The following FCHO2 variants were observed in gnomAD, a reference collection of about 807,000 sequenced individuals.
The protein encoded by FCHO2 is F-BAR domain only protein 2.
A neutral mutation model predicts 114.1 loss-of-function variants in FCHO2; 43 were observed. That is an observed-to-expected ratio of 0.38 (90% confidence interval 0.30 to 0.49). The LOEUF is 0.49. FCHO2 is among the 20% of genes least tolerant of loss of function. The pLI, the probability that FCHO2 is intolerant of heterozygous loss-of-function variation, is 0.97. For synonymous variants in FCHO2, 293 were observed against 315.2 expected (o/e 0.93, Z 0.75); for missense variants, 807 against 950.4 (o/e 0.85, Z 1.98).
intron 2 of FCHO2, among the ~76,000 whole-genome samples, chr5:72,972,454 T>C (rs1364820785): frequency 2.6e-5 from 4 of 152,244 alleles, no homozygotes; most frequent in African/African-American, 9.6e-5. Context: ...TCTTATTCTC[T>C]TTGAAGCAAT....
intron 11 of FCHO2, among the ~76,000 whole-genome samples, chr5:73,050,420 G>A (rs2112832494): frequency 1.3e-5 from 2 of 152,034 alleles, no homozygotes; most frequent in Middle Eastern, 6.8e-3. Context: ...CTGGGTTCAA[G>A]CAATTCTCCA....
intron 8 of FCHO2, among the ~76,000 whole-genome samples, chr5:73,019,309 G>T (rs948097916): frequency 6.6e-6 from 1 of 152,154 alleles, no homozygotes; most frequent in Admixed American, 6.5e-5. Flanking sequence ...ACTTTGGGAC[G>T]CTGAGGCAGG....
chr5:73,009,355 A>G (rs1454249807), intron 6 of FCHO2, among the ~76,000 whole-genome samples: 2 of 152,246 alleles, frequency 1.3e-5, no homozygotes, highest in South Asian at 4.1e-4. Context: ...CCGTTTCATT[A>G]ATTTTTAAAA....
intron 2 of FCHO2, among the ~76,000 whole-genome samples, chr5:72,976,572 C>A (rs1236097654): frequency 1.3e-5 from 2 of 152,010 alleles, no homozygotes; most frequent in East Asian, 1.9e-4. Flanking sequence ...CTGTTAAGGT[C>A]TTTGGCTCAT....
chr5:73,025,212 T>G (rs1279237559), intron 8 of FCHO2, among the ~76,000 whole-genome samples: 1 of 152,030 alleles, frequency 6.6e-6, no homozygotes, highest in Non-Finnish European at 1.5e-5. Flanking sequence ...TGTTTGTTTG[T>G]TTTTTTCTTT....
intron 5 of FCHO2, among the ~76,000 whole-genome samples, chr5:73,004,608 A>G (rs183078466): frequency 6.0e-4 from 91 of 152,152 alleles, no homozygotes; most frequent in Non-Finnish European, 1.9e-4. Flanking sequence ...AGCATTTTGT[A>G]TAACTACATT....
intron 8 of FCHO2, among the ~76,000 whole-genome samples, chr5:73,021,594 C>T (rs1387786890): frequency 6.6e-6 from 1 of 151,982 alleles, no homozygotes; most frequent in African/African-American, 2.4e-5. Flanking sequence ...TTAAAGAGCC[C>T]GGTTATTATC....
intron 19 of FCHO2, among the ~76,000 whole-genome samples, chr5:73,074,400 AGAACCTGGAG>A (rs1213198342): frequency 2.0e-5 from 3 of 152,118 alleles, no homozygotes; most frequent in Admixed American, 2.0e-4. Flanking sequence ...TATGATTGAT[AGAACCTGGAG>A]GAATTTGGTA....
intron 8 of FCHO2, among the ~76,000 whole-genome samples, chr5:73,019,579 A>G (rs149375840): frequency 3.6e-4 from 55 of 152,310 alleles, no homozygotes; most frequent in Non-Finnish European, 7.3e-4. Flanking sequence ...ACTTCAAGAT[A>G]CGGAGGAAAC....
In FCHO2 at chr5:73,078,290, A is replaced by T. The variant is rs371493638; in HGVS notation, c.1958A>T (p.Asn653Ile). ...CAAAATCCAGCTGCTTCTTATTATA[A>T]TGTAGATGTATTAAAGTATCAGGTG... ...SEQNPAASYY[N>I]VDVLKYQVSS... Residue 653 changes from asparagine (N) to isoleucine (I), a missense_variant, in exon 22 of 26, where the codon AAT becomes ATT. Transcript: ENST00000430046. The T allele has an allele frequency of 4.7e-5, 76 of 1,602,016 alleles. No homozygotes were observed. The highest frequency in any genetic ancestry group is 6.2e-5 in the Non-Finnish European group (73 of 1,174,766).
intron 2 of FCHO2, among the ~76,000 whole-genome samples, chr5:72,973,016 G>A (rs1035843084): frequency 6.0e-4 from 92 of 152,192 alleles, no homozygotes; most frequent in African/African-American, 1.7e-3. Flanking sequence ...ATTGATTTGC[G>A]TATATTGAAC....
chr5:72,993,678 G>T (rs1191409065), intron 5 of FCHO2, among the ~76,000 whole-genome samples: 1 of 152,120 alleles, frequency 6.6e-6, no homozygotes. Context: ...TACAAACTTC[G>T]TTGCATGATT....
intron 9 of FCHO2, among the ~76,000 whole-genome samples, chr5:73,036,218 A>G (rs1017941217): frequency 6.6e-6 from 1 of 152,150 alleles, no homozygotes; most frequent in South Asian, 2.1e-4. Flanking sequence ...AAAGAAGAGG[A>G]TGCCTTATTA....
At chr5:72,984,821 A>G (rs545821469) in intron 2 of FCHO2, among the ~76,000 whole-genome samples, 2 of 151,920 alleles carry the variant, frequency 1.3e-5, no homozygotes, top group Non-Finnish European at 2.9e-5. Flanking sequence ...TTTTTTGTAG[A>G]GATGAGGGTT....
At chr5:73,010,159 A>G (rs1259540044) in intron 6 of FCHO2, among the ~76,000 whole-genome samples, 1 of 152,214 alleles carries the variant, frequency 6.6e-6, no homozygotes, top group Non-Finnish European at 1.5e-5. Flanking sequence ...ACCTGACAGT[A>G]TAGTGAGAAT....
chr5:72,999,462 A>T (rs1465913420), intron 5 of FCHO2, among the ~76,000 whole-genome samples: 3 of 147,664 alleles, frequency 2.0e-5, no homozygotes, highest in African/African-American at 7.6e-5. Context: ...GGCTCACTGC[A>T]ATCTCTGCCT....
intron 6 of FCHO2, among the ~76,000 whole-genome samples, chr5:73,009,119 C>T (rs531309553): frequency 2.6e-5 from 4 of 152,236 alleles, no homozygotes; most frequent in Non-Finnish European, 2.9e-5. Flanking sequence ...GTCATGGTAG[C>T]TGGAAAAAGA....
intron 8 of FCHO2, among the ~76,000 whole-genome samples, chr5:73,026,873 G>A (rs976799154): frequency 3.3e-5 from 5 of 151,840 alleles, no homozygotes; most frequent in Non-Finnish European, 7.4e-5. Context: ...TGTATTTTTA[G>A]TAGAGACATA....
chr5:73,048,963 G>A (rs1319271093), intron 11 of FCHO2, among the ~76,000 whole-genome samples: 3 of 136,798 alleles, frequency 2.2e-5, no homozygotes, highest in Non-Finnish European at 4.6e-5. Context: ...TGCAAGCTCC[G>A]CCTCCCGGGT....
Sources: allele counts gnomAD v4.1 joint callset (sites outside exome capture counted in the v4.1 genomes callset), GRCh38; gene constraint gnomAD v4.1.1; transcripts MANE v1.5; gene names NCBI Gene and HGNC (gene_info 2026-07-23, HGNC 2026-07-21).